PLXND1: variants seen among roughly 807,000 people sequenced by gnomAD.
The protein encoded by PLXND1 is plexin D1.
A neutral mutation model predicts 197.7 loss-of-function variants in PLXND1; 54 were observed. That is an observed-to-expected ratio of 0.27 (90% CI 0.22 to 0.34). The LOEUF (loss-of-function observed/expected upper bound fraction) is 0.34. Ranked by LOEUF, PLXND1 falls within the 10% of genes least tolerant of loss-of-function variation. PLXND1 has a pLI of 1.00. For missense variants in PLXND1, 2,127 were observed against 2,699.2 expected (o/e 0.79, Z 4.70); for synonymous variants, 1,180 against 1,161.2 (o/e 1.02, Z -0.33).
chr3:129,603,371 G>T (rs940111836), intron 1 of PLXND1, among the ~76,000 whole-genome samples: 1 of 152,210 alleles, frequency 6.6e-6, no homozygotes, highest in South Asian at 2.1e-4. Flanking sequence ...TCTTGCCAGA[G>T]GGGGAGGGAA....
rs2085507725 is a variant in PLXND1, at chr3:129,589,528, C to G, written c.1312-1G>C. The G allele has an allele frequency of 6.3e-7, 1 of 1,575,620 alleles. No individual in the cohort carries two copies. The highest frequency in any genetic ancestry group is 8.6e-7 in the Non-Finnish European group (1 of 1,162,108). On this transcript the variant is annotated splice_acceptor_variant, in intron 1 of 35. Transcript: ENST00000324093. LOFTEE classifies it high-confidence loss of function. ...CACAGTCCAGCTGCTCTGGCTGGAG[C>G]TGGAAGAGGAACGGCACGTCAGATC...
chr3:129,589,483 G>T lies in PLXND1; in HGVS notation c.1356C>A (p.His452Gln). The change falls in exon 2 of 36, where the codon CAC (histidine) becomes CAA (glutamine). Residue 452 changes from histidine (H) to glutamine (Q), a missense_variant. Physicochemically the swap from His to Gln is conservative, Grantham distance 24 (BLOSUM62 0). This residue lies in a region of PLXND1 where 1,095 missense variants were observed against 1,259.8 expected (regional missense o/e 0.87). Transcript: ENST00000324093. ...QLDCGAAHLQ[H>Q]PLSILQPLKA... The stretch of plus-strand genomic sequence containing the variant: ...TCAGGGGCTGCAGGATGGACAGCGG[G>T]TGCTGCAGGTGAGCAGCTCCACAGT... 1.2e-6 allele frequency: 2 copies of T among 1,606,660 alleles called. No individual in the cohort carries two copies. Among genetic ancestry groups the T allele is most frequent in the East Asian group, 2.2e-5 (1 of 44,614 alleles).
Position 129,579,391 on chromosome 3 carries a change from T to G in PLXND1, c.2242-958A>C, listed in dbSNP as rs1374662612. On this transcript the variant is annotated intron_variant, in intron 8 of 35. Transcript: ENST00000324093. Reference sequence around the variant, plus strand: ...TGGTTGGGAACTGCTGTCTCCAGGCTCCTGGGATCCATGCTCCACTGTACA... The same window carrying G: ...TGGTTGGGAACTGCTGTCTCCAGGCGCCTGGGATCCATGCTCCACTGTACA... 2.0e-5 allele frequency among the ~76,000 whole-genome samples: 3 copies of G among 152,136 alleles called. No individual in the cohort carries two copies. In the East Asian group the frequency reaches 5.8e-4, roughly 29 times the overall value.
At position 129,558,812 on chromosome 3, in the gene PLXND1, C is replaced by T; in HGVS notation, c.5298-237G>A. ...GGAGCTACAGGGCTTAGCTGTACCC[C>T]CCAACCCCCTCCTGAGCCTCCAGTC... On this transcript the variant is annotated intron_variant, in intron 32 of 35. Transcript: ENST00000324093. This position sits in a 1 kb window ranked among gnomAD's most constrained non-coding sequence, Gnocchi z 4.1. 2.1e-6 allele frequency: 1 copy of T among 477,084 alleles called. No individual in the cohort carries two copies. Among genetic ancestry groups the T allele is most frequent in the Non-Finnish European group, 3.8e-6 (1 of 263,492 alleles). The allele number at this position is 477,084 out of a possible 1,614,324, so 29.6% of individuals were successfully genotyped here.
At chr3:129,565,090 C>G (rs983579434) in intron 25 of PLXND1, among the ~76,000 whole-genome samples, 2 of 152,224 alleles carry the variant, frequency 1.3e-5, no homozygotes, top group Non-Finnish European at 2.9e-5. Context: ...GGACAAGGCC[C>G]CTGACACAAC....
intron 29 of PLXND1, chr3:129,560,969 A>G (rs1013238302): frequency 4.8e-5 from 31 of 639,608 alleles, no homozygotes; most frequent in African/African-American, 4.1e-4. Flanking sequence ...GGAGAGAGAG[A>G]TAAGTGAGAT....
At chr3:129,578,510 C>T (rs549912989) in intron 8 of PLXND1, 77 bp from the exon 9 acceptor site, 126 of 856,380 alleles carry the variant, frequency 1.5e-4, no homozygotes, top group Admixed American at 2.4e-4. Context: ...GCACCCCAGC[C>T]TGCCTGGTTC....
At chr3:129,597,238 C>T (rs1276184013) in intron 1 of PLXND1, among the ~76,000 whole-genome samples, 11 of 151,928 alleles carry the variant, frequency 7.2e-5, no homozygotes, top group Admixed American at 7.2e-4. Flanking sequence ...CCGCCCTTAA[C>T]CACAGCCTCC....
At chr3:129,598,451 C>T (rs1257629089) in intron 1 of PLXND1, among the ~76,000 whole-genome samples, 1 of 152,116 alleles carries the variant, frequency 6.6e-6, no homozygotes, top group Non-Finnish European at 1.5e-5. Flanking sequence ...GAGCTCCCCA[C>T]CCAGAGCTTG....
intron 2 of PLXND1, among the ~76,000 whole-genome samples, chr3:129,588,737 C>G (rs2085495759): frequency 6.6e-6 from 1 of 152,262 alleles, no homozygotes; most frequent in Non-Finnish European, 1.5e-5. Flanking sequence ...TCCAGGGCTG[C>G]ACCTGGGGGT....
chr3:129,556,724 C>G (rs758640549), intron 34 of PLXND1, 33 bp from the exon 35 acceptor site: 1 of 1,520,234 alleles, frequency 6.6e-7, no homozygotes, highest in Non-Finnish European at 9.1e-7. Context: ...GGAGGTTAGC[C>G]CAGCGGTCAA....
rs1317934558 is a variant in PLXND1 at position 129,563,341 on chromosome 3, C to T, written c.4522-101G>A. ...CGCCCCCGTCCCCCAACCCCTCCAA[C>T]AGTCTCCTTTTGGATCCTGGTGTCA... On this transcript the variant is annotated intron_variant, in intron 25 of 35. Transcript: ENST00000324093. 9 of 967,644 alleles carry T rather than the reference C, an allele frequency of 9.3e-6. No individual in the cohort carries two copies. In the East Asian group the frequency reaches 2.1e-4, roughly 23 times the overall value. 59.9% of individuals were successfully genotyped at this position (967,644 alleles called of 1,614,324 possible). A position where few individuals can be genotyped will look rare whatever the true frequency, so the allele number is the denominator to read the frequency against.
At chr3:129,562,425 A>C (rs533931468) in intron 27 of PLXND1, 1 of 238,276 alleles carries the variant, frequency 4.2e-6, no homozygotes, top group Non-Finnish European at 8.3e-6. Context: ...TGAGGGGATC[A>C]CTTGAGCCCA....
intron 1 of PLXND1, among the ~76,000 whole-genome samples, chr3:129,598,407 AGCT>A (rs2108803559): frequency 6.6e-6 from 1 of 152,178 alleles, no homozygotes; most frequent in African/African-American, 2.4e-5. Context: ...TCCTGTAGCA[AGCT>A]GAGCCTCCTC....
intron 1 of PLXND1, among the ~76,000 whole-genome samples, chr3:129,598,379 T>G (rs2085658221): frequency 6.6e-6 from 1 of 152,072 alleles, no homozygotes; most frequent in African/African-American, 2.4e-5. Context: ...GGGTCCAATT[T>G]GTCTCTCTTG....
Position 129,555,465 on chromosome 3 carries a change from C to A in PLXND1, c.*847G>T. The A allele has an allele frequency of 1.5e-6, 1 of 677,826 alleles. No individual in the cohort carries two copies. Among genetic ancestry groups the A allele is most frequent in the Non-Finnish European group, 2.6e-6 (1 of 378,772 alleles). The allele number at this position is 677,826 out of a possible 1,614,324, so 42.0% of individuals were successfully genotyped here. On this transcript the variant is annotated 3_prime_UTR_variant, in exon 36 of 36. Transcript: ENST00000324093. Reference sequence around the variant, plus strand: ...TTCCAGTGTTGCATGGGGAGCCTCTCGGGACCCCTCCCCGGGTCCTCTGCG... The same window carrying A: ...TTCCAGTGTTGCATGGGGAGCCTCTAGGGACCCCTCCCCGGGTCCTCTGCG...
In PLXND1 at chr3:129,557,358, G is replaced by T; in HGVS notation, c.5446-135C>A. The T allele has an allele frequency of 2.1e-6, 2 of 952,810 alleles. No homozygotes were observed. Among genetic ancestry groups the T allele is most frequent in the Non-Finnish European group, 3.2e-6 (2 of 633,676 alleles). The allele number at this position is 952,810 out of a possible 1,614,324, so 59.0% of individuals were successfully genotyped here. A position where few individuals can be genotyped will look rare whatever the true frequency, so the allele number is the denominator to read the frequency against. ...CCCCGAGGCCCAAAGAGTCTCACCC[G>T]GTCACTGAACGTCCCCGCACTCAGC... is the stretch of plus-strand genomic sequence containing the variant. On this transcript the variant is annotated intron_variant, in intron 33 of 35. Transcript: ENST00000324093. This position sits in a 1 kb window ranked among gnomAD's most constrained non-coding sequence, Gnocchi z 4.8.
intron 8 of PLXND1, 137 bp downstream of exon 8, chr3:129,583,430 T>G (rs907298043): frequency 3.7e-5 from 23 of 615,234 alleles, no homozygotes; most frequent in Non-Finnish European, 6.5e-5. Flanking sequence ...CACCGTGGTA[T>G]GTGATGAGCC....
In PLXND1 at chr3:129,584,230, T is replaced by A; in HGVS notation, c.2033A>T (p.His678Leu). 1 of 1,598,220 alleles carries A rather than the reference T, an allele frequency of 6.3e-7. No individual in the cohort carries two copies. The highest frequency in any genetic ancestry group is 8.5e-7 in the Non-Finnish European group (1 of 1,171,220). ...CCTCACAGACATCTCAACAGTCACG[T>A]GGTCTGGAATGGATGGGGGAGCCAG... ...QFPPFPPNQDHVTVEMSVRVN... is the reference protein window; with the variant it reads ...QFPPFPPNQDLVTVEMSVRVN... The change falls in exon 7 of 36, where the codon CAC (histidine) becomes CTC (leucine). Residue 678 changes from histidine (H) to leucine (L), a missense_variant. Transcript: ENST00000324093.
Sources: gnomAD v4.1 joint callset for allele counts (sites outside exome capture counted in the v4.1 genomes callset) on GRCh38, gnomAD v4.1.1 for gene constraint, gnomAD v4.1.1 regional missense constraint, Gnocchi (gnomAD v3.1) non-coding constraint, MANE v1.5 for transcripts, NCBI Gene and HGNC (gene_info 2026-07-23, HGNC 2026-07-21) for gene names.